The following ROBO2 variants were observed in gnomAD, a reference collection of about 807,000 sequenced individuals.
ROBO2 encodes roundabout homolog 2.
A neutral mutation model predicts 160.8 loss-of-function variants in ROBO2; 53 were observed. The ratio of observed to expected loss-of-function variants is 0.33; its 90% CI spans 0.26 to 0.41. The LOEUF is 0.41. ROBO2 is among the 10% of genes least tolerant of loss of function. The probability of loss-of-function intolerance (pLI) is 1.00; values close to 1 mark genes in which losing one functional copy is unlikely to be tolerated. For missense variants in ROBO2, 1,577 were observed against 1,722.4 expected (o/e 0.92, Z 1.49); for synonymous variants, 664 against 611.7 (o/e 1.09, Z -1.26).
chr3:76,687,692 C>A (rs1402702968), intron 2 of ROBO2, among the ~76,000 whole-genome samples: 20 of 151,890 alleles, frequency 1.3e-4, no homozygotes, highest in Non-Finnish European at 1.5e-5. Flanking sequence ...CTTCAAAAAG[C>A]AGGAAATGGT....
At chr3:76,326,214 T>TA (rs1360734931) in intron 2 of ROBO2, among the ~76,000 whole-genome samples, 1 of 152,128 alleles carries the variant, frequency 6.6e-6, no homozygotes, top group Non-Finnish European at 1.5e-5. Context: ...ATCTTCCACT[T>TA]AAAAAATGGC....
At chr3:77,375,165 TTGTGCTACTGTAC>T (rs2072453761) in intron 2 of ROBO2, among the ~76,000 whole-genome samples, 1 of 152,230 alleles carries the variant, frequency 6.6e-6, no homozygotes, top group African/African-American at 2.4e-5. Flanking sequence ...TGAGCTATGA[TTGTGCTACTGTAC>T]CCCAGCCTGG....
intron 2 of ROBO2, among the ~76,000 whole-genome samples, chr3:76,138,888 AAG>A (rs1347714342): frequency 6.6e-6 from 1 of 152,148 alleles, no homozygotes; most frequent in African/African-American, 2.4e-5. Context: ...AAGTTCAGTA[AAG>A]AGTTACCTGA....
chr3:76,697,049 G>T lies in ROBO2; in HGVS notation c.110-400965G>T, dbSNP rs564158201. Among the ~76,000 whole-genome samples the T allele has an allele frequency of 2.6e-5, 4 of 152,214 alleles. No individual in the cohort carries two copies. The South Asian group carries it at 8.3e-4, about 32-fold the overall frequency. ...GCTGGAATATCATGAAGTCTATAAA[G>T]GGCTACATGTTTATCAGACAGAATA... is the stretch of plus-strand genomic sequence containing the variant. On this transcript the variant is annotated intron_variant, in intron 2 of 26. Transcript: ENST00000487694.
At chr3:76,627,375 C>A (rs1228279308) in intron 2 of ROBO2, among the ~76,000 whole-genome samples, 1 of 152,068 alleles carries the variant, frequency 6.6e-6, no homozygotes, top group Admixed American at 6.5e-5. Context: ...CAGAGAGAGC[C>A]AGAGAATCCC....
intron 2 of ROBO2, among the ~76,000 whole-genome samples, chr3:76,033,006 A>G (rs1283507761): frequency 1.3e-5 from 2 of 152,198 alleles, no homozygotes; most frequent in Non-Finnish European, 1.5e-5. Context: ...GAAGCCTTAA[A>G]AAGACAGAAA....
chr3:75,992,761 G>A (rs536243975), intron 2 of ROBO2, among the ~76,000 whole-genome samples: 1 of 152,306 alleles, frequency 6.6e-6, no homozygotes, highest in African/African-American at 2.4e-5. Context: ...CAGATGATGG[G>A]CTAAACCCTG....
chr3:76,550,039 T>G (rs1468264406), intron 2 of ROBO2, among the ~76,000 whole-genome samples: 1 of 152,248 alleles, frequency 6.6e-6, no homozygotes. Context: ...AACATCTGAC[T>G]GTTATTACAA....
chr3:76,330,673 G>T (rs190914462), intron 2 of ROBO2, among the ~76,000 whole-genome samples: 288 of 152,206 alleles, frequency 1.9e-3, no homozygotes, highest in South Asian at 0.011. Context: ...AATTTCAATG[G>T]CCCATCCTCA....
At chr3:76,740,448 C>A (rs1427943422) in intron 2 of ROBO2, among the ~76,000 whole-genome samples, 2 of 152,078 alleles carry the variant, frequency 1.3e-5, no homozygotes, top group African/African-American at 4.8e-5. Context: ...ACCCCAGAGA[C>A]CTGAACATAA....
chr3:76,009,149 C>G (rs570595758), intron 2 of ROBO2, among the ~76,000 whole-genome samples: 1 of 152,168 alleles, frequency 6.6e-6, no homozygotes, highest in Non-Finnish European at 1.5e-5. Context: ...GTCGCCCAGG[C>G]TGGAGTGCAG....
intron 2 of ROBO2, among the ~76,000 whole-genome samples, chr3:77,267,825 C>G (rs1225653486): frequency 6.6e-6 from 1 of 152,146 alleles, no homozygotes; most frequent in African/African-American, 2.4e-5. Context: ...CTCTCTGTCT[C>G]TGCACCTATG....
At chr3:77,161,964 T>G (rs999023693) in intron 2 of ROBO2, among the ~76,000 whole-genome samples, 1 of 152,166 alleles carries the variant, frequency 6.6e-6, no homozygotes, top group Non-Finnish European at 1.5e-5. Context: ...ACAATATTTC[T>G]CTAGTGCAAA....
chr3:77,019,242 T>C (rs1440036349), intron 2 of ROBO2, among the ~76,000 whole-genome samples: 2 of 152,182 alleles, frequency 1.3e-5, no homozygotes, highest in Non-Finnish European at 1.5e-5. Flanking sequence ...GCAGATTCAA[T>C]GCTTGTTGAG....
At chr3:76,065,801 A>C (rs1012871181) in intron 2 of ROBO2, among the ~76,000 whole-genome samples, 4 of 151,078 alleles carry the variant, frequency 2.6e-5, no homozygotes, top group African/African-American at 9.7e-5. Context: ...TTTTACTTAG[A>C]CATGTTGATT....
Position 77,291,303 on chromosome 3 carries a change from G to A in ROBO2, c.389-186111G>A, listed in dbSNP as rs150988727. ...ACCCCAGACATAAAGCAAAATTGAC[G>A]GTTAACCGGGAAGGCTGAGGCTAGA... On this transcript the variant is annotated intron_variant, in intron 2 of 25. Coordinates refer to ENST00000461745, the Ensembl canonical transcript of ROBO2. Among the ~76,000 whole-genome samples, 191 of 151,212 alleles carry A rather than the reference G, an allele frequency of 1.3e-3. No individual in the cohort carries two copies. The South Asian group carries it at 0.015, about 12-fold the overall frequency.
At chr3:76,266,498 G>C (rs1421789912) in intron 2 of ROBO2, among the ~76,000 whole-genome samples, 2 of 151,996 alleles carry the variant, frequency 1.3e-5, no homozygotes, top group African/African-American at 4.8e-5. Flanking sequence ...GAGAAGTTTT[G>C]TAACTTACGT....
chr3:76,938,650 C>G (rs1263416521), intron 2 of ROBO2, among the ~76,000 whole-genome samples: 2 of 151,846 alleles, frequency 1.3e-5, no homozygotes, highest in Non-Finnish European at 2.9e-5. Context: ...ATCTATGGAG[C>G]TCAATCAGTG....
At chr3:76,167,446 T>A (rs2072877410) in intron 2 of ROBO2, among the ~76,000 whole-genome samples, 1 of 152,196 alleles carries the variant, frequency 6.6e-6, no homozygotes, top group African/African-American at 2.4e-5. Context: ...CTAGACAATG[T>A]CCCTCTGGAT....
Sources: gnomAD v4.1 joint callset for allele counts (sites outside exome capture counted in the v4.1 genomes callset) on GRCh38, gnomAD v4.1.1 for gene constraint, MANE v1.5 for transcripts, NCBI Gene and HGNC (gene_info 2026-07-23, HGNC 2026-07-21) for gene names.